WRN: variants seen among roughly 807,000 people sequenced by gnomAD.
WRN encodes the protein bifunctional 3'-5' exonuclease/ATP-dependent helicase WRN.
A neutral mutation model predicts 180.7 loss-of-function variants in WRN; 149 were observed. That is an observed-to-expected ratio of 0.82 (90% CI 0.72 to 0.94). WRN has a LOEUF of 0.94. WRN is among the 40% of genes least tolerant of loss of function. WRN has a pLI of 0.00. For synonymous variants in WRN, 548 were observed against 568.9 expected (o/e 0.96, Z 0.52); for missense variants, 1,661 against 1,700.1 (o/e 0.98, Z 0.40).
chr8:31,073,662 A>G (rs547097979), intron 7 of WRN, among the ~76,000 whole-genome samples: 44 of 152,314 alleles, frequency 2.9e-4, no homozygotes, highest in Non-Finnish European at 7.3e-5. Flanking sequence ...AATAAAGAGT[A>G]GGTGTGATAT....
intron 13 of WRN, 103 bp downstream of exon 13, chr8:31,089,068 C>A: frequency 1.1e-6 from 1 of 928,202 alleles, no homozygotes; most frequent in Non-Finnish European, 1.7e-6. Flanking sequence ...CACAACTTCA[C>A]TATAGTTATA....
At chr8:31,169,653 A>G (rs983359490) in intron 34 of WRN, among the ~76,000 whole-genome samples, 1 of 152,246 alleles carries the variant, frequency 6.6e-6, no homozygotes, top group African/African-American at 2.4e-5. Flanking sequence ...GGCGTGGTTC[A>G]AGATGGCTTT....
intron 3 of WRN, among the ~76,000 whole-genome samples, chr8:31,063,528 C>T (rs1423583747): frequency 6.6e-6 from 1 of 152,084 alleles, no homozygotes. Context: ...TTGTCGTTGT[C>T]AAAGTTTTTT....
intron 1 of WRN, among the ~76,000 whole-genome samples, chr8:31,054,766 A>G (rs1468812989): frequency 6.6e-6 from 1 of 152,196 alleles, no homozygotes; most frequent in Non-Finnish European, 1.5e-5. Context: ...AAGTTCCAGG[A>G]TACATGTGCA....
intron 19 of WRN, among the ~76,000 whole-genome samples, chr8:31,115,178 G>A (rs971905672): frequency 1.6e-4 from 24 of 152,326 alleles, no homozygotes; most frequent in African/African-American, 5.3e-4. Flanking sequence ...TTACAGGCGT[G>A]AGCCACTGTG....
chr8:31,116,446 T>C lies in WRN; in HGVS notation c.2366T>C (p.Leu789Pro), dbSNP rs767108016. Residue 789 changes from leucine to proline, a missense_variant, in exon 20 of 35, where the codon CTA becomes CCA. Physicochemically the swap from Leu to Pro is moderately conservative, Grantham distance 98. Transcript: ENST00000298139. ...QVTGELRKLN[L>P]SCGTYHAGMS... ...ACAGGTGAACTTAGGAAACTGAATC[T>C]ATCCTGTGGAACATACCATGCGGGC... 3 of 1,614,046 alleles carry C rather than the reference T, an allele frequency of 1.9e-6. No individual in the cohort carries two copies. Among genetic ancestry groups the C allele is most frequent in the Non-Finnish European group, 2.5e-6 (3 of 1,179,940 alleles).
At chr8:31,140,415 T>G (rs531616187) in intron 24 of WRN, among the ~76,000 whole-genome samples, 2 of 152,280 alleles carry the variant, frequency 1.3e-5, no homozygotes, top group Admixed American at 6.5e-5. Flanking sequence ...TATTTCTATA[T>G]GAAGTGAAAG....
intron 21 of WRN, 65 bp from the exon 22 acceptor site, chr8:31,124,457 A>G: frequency 1.0e-6 from 1 of 973,396 alleles, no homozygotes; most frequent in East Asian, 3.0e-5. Flanking sequence ...AAAAATAAGT[A>G]AAAAAAAAAG....
intron 21 of WRN, among the ~76,000 whole-genome samples, chr8:31,122,487 C>T (rs935851323): frequency 1.2e-4 from 18 of 151,980 alleles, no homozygotes; most frequent in Admixed American, 9.2e-4. Context: ...ATTCATACCA[C>T]AGGCAAAGTC....
intron 23 of WRN, among the ~76,000 whole-genome samples, chr8:31,126,476 G>A (rs1801936718): frequency 6.6e-6 from 1 of 152,160 alleles, no homozygotes; most frequent in African/African-American, 2.4e-5. Flanking sequence ...TGTGTGAGAT[G>A]CAGCTAATGC....
At chr8:31,126,167 CTT>C (rs1801926262) in intron 23 of WRN, among the ~76,000 whole-genome samples, 1 of 152,016 alleles carries the variant, frequency 6.6e-6, no homozygotes, top group Admixed American at 6.6e-5. Context: ...TCTCATTGAC[CTT>C]TTTAGAACAT....
At chr8:31,149,314 G>A (rs563450666) in intron 30 of WRN, among the ~76,000 whole-genome samples, 2 of 151,442 alleles carry the variant, frequency 1.3e-5, no homozygotes, top group East Asian at 2.0e-4. Context: ...GGAGAATGGC[G>A]TGAACCCGGG....
rs1802693556 is a variant in WRN, at chr8:31,142,690, A to G, written c.3298A>G (p.Thr1100Ala). The change falls in exon 27 of 35, where the codon ACA (threonine) becomes GCA (alanine). Residue 1100 changes from threonine to alanine, a missense_variant. By Grantham distance (58) the Thr-to-Ala change is moderately conservative. Around this residue, in one of 3 missense-constraint regions of WRN, gnomAD observed 1,141 missense variants for 1,149.4 expected, o/e 0.99. Coordinates refer to ENST00000298139, the MANE Select transcript of WRN (RefSeq NM_000553.6). ...TAATCAAGTACCAGTTGAATTAAGTACAGAGAAGAAGGTTTGTTTTAAAGA... is the reference window on the plus strand; with the variant it reads ...TAATCAAGTACCAGTTGAATTAAGTGCAGAGAAGAAGGTTTGTTTTAAAGA... ...CYNQVPVELS[T>A]EKKSNLEKLY... is the part of the protein sequence containing the mutation. 1.2e-6 allele frequency: 2 copies of G among 1,603,676 alleles called. No homozygotes were observed. Among genetic ancestry groups the G allele is most frequent in the Middle Eastern group, 1.7e-4 (1 of 6,026 alleles).
chr8:31,128,751 C>T (rs909632621), intron 23 of WRN, among the ~76,000 whole-genome samples: 8 of 151,964 alleles, frequency 5.3e-5, no homozygotes, highest in Non-Finnish European at 7.4e-5. Context: ...CCCAGCTACT[C>T]GGGAGGCTGA....
intron 30 of WRN, among the ~76,000 whole-genome samples, chr8:31,148,508 C>T (rs1802956296): frequency 6.6e-6 from 1 of 152,036 alleles, no homozygotes; most frequent in Admixed American, 6.5e-5. Flanking sequence ...TTTATCTTAC[C>T]TGGATTGTTT....
chr8:31,069,642 C>T (rs764978974), intron 7 of WRN, among the ~76,000 whole-genome samples: 1 of 152,132 alleles, frequency 6.6e-6, no homozygotes, highest in Non-Finnish European at 1.5e-5. Context: ...AATATTGCAG[C>T]ATTTTATATA....
chr8:31,102,197 G>T (rs1353865702), intron 18 of WRN, among the ~76,000 whole-genome samples: 1 of 152,234 alleles, frequency 6.6e-6, no homozygotes, highest in Admixed American at 6.5e-5. Flanking sequence ...GCTCCCTGGA[G>T]CTGTTCTTCC....
chr8:31,052,299 A>G (rs1812105688), intron 1 of WRN, among the ~76,000 whole-genome samples: 1 of 152,232 alleles, frequency 6.6e-6, no homozygotes, highest in South Asian at 2.1e-4. Context: ...ATGAAAAACC[A>G]TTTGCAATTG....
rs545431480 is a variant in WRN, at chr8:31,167,219, A to G, written c.4180A>G (p.Ile1394Val). Residue 1394 changes from isoleucine (I) to valine (V), a missense_variant, in exon 34 of 35, where the codon ATC (isoleucine) becomes GTC (valine). Transcript: ENST00000298139. ...TAAGAGAAGCAAGGAAGAAGTAGGCATCAATACTGAGGTATTAATTATATA... is the reference window on the plus strand; with the variant it reads ...TAAGAGAAGCAAGGAAGAAGTAGGCGTCAATACTGAGGTATTAATTATATA... The part of the protein sequence containing the change: ...SSKRSKEEVG[I>V]NTETSSAERK... The G allele has an allele frequency of 1.4e-4, 222 of 1,612,614 alleles. 5 individuals carry two copies. In the South Asian group the frequency reaches 2.4e-3, roughly 17 times the overall value.
Sources: gnomAD v4.1 joint callset for allele counts (sites outside exome capture counted in the v4.1 genomes callset) on GRCh38, gnomAD v4.1.1 for gene constraint, gnomAD v4.1.1 regional missense constraint, MANE v1.5 for transcripts, NCBI Gene and HGNC (gene_info 2026-07-23, HGNC 2026-07-21) for gene names.